TBXAS1: variants seen among roughly 807,000 people sequenced by gnomAD.
TBXAS1 encodes the protein thromboxane-A synthase.
Under a neutral mutation model 60.7 loss-of-function variants are expected in TBXAS1, and 48 were observed. That is an observed-to-expected ratio of 0.79 (90% CI 0.63 to 1.01). The LOEUF (loss-of-function observed/expected upper bound fraction) is 1.01, where lower values mean the gene tolerates loss of function less well. Ranked by LOEUF, TBXAS1 falls within the 50% of genes least tolerant of loss-of-function variation. The pLI is 0.00. For synonymous variants in TBXAS1, 287 were observed against 269.7 expected, an observed-to-expected ratio of 1.06 and a Z score of -0.63; for missense variants, 685 against 686.3, an observed-to-expected ratio of 1.00 and a Z score of 0.02.
At chr7:139,888,116 C>A (rs550010323) in intron 3 of TBXAS1, among the ~76,000 whole-genome samples, 1 of 152,148 alleles carries the variant, frequency 6.6e-6, no homozygotes, top group Non-Finnish European at 1.5e-5. Flanking sequence ...TTAACCAAAC[C>A]GACCCCATTA....
intron 5 of TBXAS1, among the ~76,000 whole-genome samples, chr7:139,947,462 C>T (rs535597814): frequency 1.3e-5 from 2 of 152,232 alleles, no homozygotes; most frequent in African/African-American, 4.8e-5. Context: ...TGCCTAATAC[C>T]TAGGTGATGG....
At chr7:139,979,843 A>G (rs999573077) in intron 9 of TBXAS1, among the ~76,000 whole-genome samples, 10 of 151,708 alleles carry the variant, frequency 6.6e-5, no homozygotes, top group African/African-American at 2.4e-4. Context: ...TTTTTATGTA[A>G]CATTTGACAA....
At chr7:139,945,946 T>C (rs566635132) in intron 5 of TBXAS1, among the ~76,000 whole-genome samples, 2 of 152,358 alleles carry the variant, frequency 1.3e-5, no homozygotes, top group East Asian at 1.9e-4. Context: ...CAATTCGTAA[T>C]GGACTTTGGA....
chr7:139,900,163 AC>A, intron 3 of TBXAS1, among the ~76,000 whole-genome samples: 1 of 152,310 alleles, frequency 6.6e-6, no homozygotes, highest in Non-Finnish European at 1.5e-5. Flanking sequence ...GTTTCTTTGC[AC>A]CCTATAGGAA....
chr7:140,020,030 G>A lies in TBXAS1; in HGVS notation c.1533G>A (p.Pro511=), dbSNP rs753638314. The A allele has an allele frequency of 2.2e-5, 36 of 1,613,438 alleles. No homozygotes were observed. The highest frequency in any genetic ancestry group is 6.7e-5 in the Admixed American group (4 of 59,980). ...TTTAATTTTCTCTATTTTAGGTACC[G>A]CTGCAGCTAGAATCCAAATCTGCCC... ...RFQACPETQV[P]LQLESKSALG... is the part of the protein sequence containing the mutation. Residue 511 remains proline, a synonymous_variant, in exon 13 of 13, where the codon CCG becomes CCA. Transcript: ENST00000448866.
chr7:139,867,442 T>C (rs1801503379), intron 1 of TBXAS1, among the ~76,000 whole-genome samples: 1 of 152,174 alleles, frequency 6.6e-6, no homozygotes, highest in Non-Finnish European at 1.5e-5. Flanking sequence ...CTCCTTAATA[T>C]GTGATTCATC....
intron 1 of TBXAS1, among the ~76,000 whole-genome samples, chr7:139,847,564 A>G (rs1799901438): frequency 1.3e-5 from 2 of 152,054 alleles, no homozygotes; most frequent in South Asian, 4.2e-4. Flanking sequence ...CAACCAACTC[A>G]CTAACCGCCT....
intron 9 of TBXAS1, among the ~76,000 whole-genome samples, chr7:139,973,172 A>G (rs1811331424): frequency 6.6e-6 from 1 of 152,196 alleles, no homozygotes; most frequent in South Asian, 2.1e-4. Context: ...CTCTGGGGAC[A>G]TCTAGGGCAG....
At chr7:139,985,823 G>A (rs976356819) in intron 9 of TBXAS1, among the ~76,000 whole-genome samples, 6 of 152,198 alleles carry the variant, frequency 3.9e-5, no homozygotes, top group Non-Finnish European at 8.8e-5. Flanking sequence ...TGAATGGGTG[G>A]ACGGCGCTTA....
rs1801908444 is a variant in TBXAS1, at chr7:139,872,641, C to CA, written c.183+318dup. ...TGCACTTTAGCCTGGGCAACAAGAGCAAAAATCTGTCTCAAAAAATAAAAT... is the reference window on the plus strand; with the variant it reads ...TGCACTTTAGCCTGGGCAACAAGAGCAAAAAATCTGTCTCAAAAAATAAAAT... On this transcript the variant is annotated intron_variant, in intron 2 of 12. Coordinates refer to ENST00000448866, the MANE Select transcript of TBXAS1 (RefSeq NM_001061.7). Among the ~76,000 whole-genome samples, 3 of 151,884 alleles carry CA rather than the reference C, an allele frequency of 2.0e-5. No homozygotes were observed. In the South Asian group the frequency reaches 6.2e-4, roughly 32 times the overall value.
At chr7:139,973,928 G>T (rs761634200) in intron 9 of TBXAS1, among the ~76,000 whole-genome samples, 1 of 152,156 alleles carries the variant, frequency 6.6e-6, no homozygotes, top group African/African-American at 2.4e-5. Flanking sequence ...GGCCAGAGCT[G>T]TAGGGAGCAT....
At chr7:139,927,894 GTTTA>G (rs957161941) in intron 4 of TBXAS1, among the ~76,000 whole-genome samples, 13 of 152,188 alleles carry the variant, frequency 8.5e-5, no homozygotes, top group African/African-American at 3.1e-4. Context: ...GAATCTAGAA[GTTTA>G]TTTATAGAGA....
chr7:139,991,542 G>A (rs1294387742), intron 9 of TBXAS1, among the ~76,000 whole-genome samples: 1 of 152,178 alleles, frequency 6.6e-6, no homozygotes, highest in East Asian at 1.9e-4. Flanking sequence ...ATCAAGGGAG[G>A]CACGCAGGCT....
chr7:139,882,912 C>T (rs888230137), intron 3 of TBXAS1, among the ~76,000 whole-genome samples: 2 of 152,142 alleles, frequency 1.3e-5, no homozygotes, highest in African/African-American at 4.8e-5. Context: ...TCTCACTGGT[C>T]AAAATAGCTT....
chr7:139,940,371 C>CAG (rs2117223498), intron 5 of TBXAS1, among the ~76,000 whole-genome samples: 1 of 152,286 alleles, frequency 6.6e-6, no homozygotes, highest in South Asian at 2.1e-4. Context: ...GTTCTCAAAC[C>CAG]TTGTGGGACC....
rs1298742743 is a variant in TBXAS1 at position 139,999,172 on chromosome 7, T to A, written c.1135-7919T>A. Among the ~76,000 whole-genome samples, 1 of 152,120 alleles carries A rather than the reference T, an allele frequency of 6.6e-6. No homozygotes were observed. The highest frequency in any genetic ancestry group is 1.5e-5 in the Non-Finnish European group (1 of 68,028). Reference sequence around the variant, plus strand: ...CCACTCAGACAACAGAGCTATGGGATCTAGAAGGTGAAATGTCAGAGCTCA... The same window carrying A: ...CCACTCAGACAACAGAGCTATGGGAACTAGAAGGTGAAATGTCAGAGCTCA... On this transcript the variant is annotated intron_variant, in intron 9 of 12. Coordinates refer to ENST00000448866, the MANE Select transcript of TBXAS1 (RefSeq NM_001061.7). The surrounding 1 kb of genome is among the most constrained non-coding windows in gnomAD (Gnocchi z 4.3).
At chr7:139,984,575 A>G (rs1413382366) in intron 9 of TBXAS1, among the ~76,000 whole-genome samples, 3 of 150,624 alleles carry the variant, frequency 2.0e-5, no homozygotes, top group Non-Finnish European at 4.4e-5. Context: ...CCAGGACACT[A>G]TTTTGTCCTA....
At chr7:139,813,074 TAAATA>T (rs56001115) in intron 4 of TBXAS1, among the ~76,000 whole-genome samples, 17,635 of 142,766 alleles carry the variant, frequency 0.12, 1,478 homozygotes, top group African/African-American at 0.23. Flanking sequence ...TAAAATAAAA[TAAATA>T]AAATAAAATA....
rs71170918 is a variant in TBXAS1, at chr7:139,868,652, ATT to A, written c.90-3562_90-3561del. 6.4e-3 allele frequency among the ~76,000 whole-genome samples: 676 copies of A among 104,982 alleles called. 1 individual carries two copies. The highest frequency in any genetic ancestry group is 0.028 in the South Asian group (92 of 3,326). The allele number at this position is 104,982 out of a possible 152,430, so 68.9% of individuals were successfully genotyped here. A position where few individuals can be genotyped will look rare whatever the true frequency, so the allele number is the denominator to read the frequency against. ...GTGTGTGCCACCACACCTGGCTAAT[ATT>A]TTTTTTTTTTTTTTTTTTTTGAGAC... On this transcript the variant is annotated intron_variant, in intron 1 of 12. Coordinates refer to ENST00000448866, the MANE Select transcript of TBXAS1 (RefSeq NM_001061.7).
Sources: allele counts gnomAD v4.1 joint callset (sites outside exome capture counted in the v4.1 genomes callset), GRCh38; gene constraint gnomAD v4.1.1; non-coding constraint Gnocchi (gnomAD v3.1); transcripts MANE v1.5; gene names NCBI Gene and HGNC (gene_info 2026-07-23, HGNC 2026-07-21).